PRKAR1B: variants seen among roughly 807,000 people sequenced by gnomAD.
PRKAR1B encodes protein kinase cAMP-dependent type I regulatory subunit beta, also known as cAMP-dependent protein kinase type I-beta regulatory subunit.
A neutral mutation model predicts 46.5 loss-of-function variants in PRKAR1B; 22 were observed. The observed-to-expected ratio is 0.47, with a 90% CI of 0.34 to 0.68. The LOEUF is 0.68. Ranked by LOEUF, PRKAR1B falls within the 30% of genes least tolerant of loss-of-function variation. PRKAR1B has a pLI of 0.01. For synonymous variants in PRKAR1B, 259 were observed against 217.7 expected (o/e 1.19, Z -1.67); for missense variants, 445 against 535.6 (o/e 0.83, Z 1.67).
chr7:687,264 C>T lies in PRKAR1B; in HGVS notation c.178-6538G>A, dbSNP rs1169878649. Among the ~76,000 whole-genome samples the T allele has an allele frequency of 1.3e-5, 2 of 152,186 alleles. 1 individual carries two copies. Among genetic ancestry groups the T allele is most frequent in the African/African-American group, 4.8e-5 (2 of 41,434 alleles). ...AAAAGACAATACAAAAAGATCCCCTCAGGGGATGCAGATCATGGAGTTAAT... is the reference window on the plus strand; with the variant it reads ...AAAAGACAATACAAAAAGATCCCCTTAGGGGATGCAGATCATGGAGTTAAT... On this transcript the variant is annotated intron_variant, in intron 2 of 10. Coordinates refer to ENST00000537384, the MANE Select transcript of PRKAR1B (RefSeq NM_001164760.2).
At chr7:655,933 TG>T (rs75628772) in intron 4 of PRKAR1B, among the ~76,000 whole-genome samples, 13,170 of 152,268 alleles carry the variant, frequency 0.086, 744 homozygotes, top group South Asian at 0.24. Context: ...GGCTGCTCTC[TG>T]GGATACAAGG....
intron 2 of PRKAR1B, among the ~76,000 whole-genome samples, chr7:692,616 A>G (rs950143467): frequency 6.6e-6 from 1 of 152,194 alleles, no homozygotes; most frequent in Admixed American, 6.5e-5. Flanking sequence ...CCCTGACGGC[A>G]GTGCAAATTG....
rs1056769533 is a variant in PRKAR1B, at chr7:667,921, G to A, written c.440+9308C>T. ...GAGTTGCAGCCTCCCTCACAACCAC[G>A]TTGCACTATCTTCCTTTAAATCAAA... On this transcript the variant is annotated intron_variant, in intron 4 of 10. Transcript: ENST00000537384. The surrounding 1 kb of genome is among the most constrained non-coding windows in gnomAD (Gnocchi z 4.3). Among the ~76,000 whole-genome samples, 51 of 152,212 alleles carry A rather than the reference G, an allele frequency of 3.4e-4. No homozygotes were observed. The highest frequency in any genetic ancestry group is 1.8e-4 in the Non-Finnish European group (12 of 68,050).
intron 9 of PRKAR1B, among the ~76,000 whole-genome samples, chr7:567,548 C>CACT (rs1303844787): frequency 4.7e-5 from 6 of 127,892 alleles, no homozygotes; most frequent in Admixed American, 1.5e-4. Context: ...TCACCATCAT[C>CACT]ATCACCATCA....
intron 4 of PRKAR1B, among the ~76,000 whole-genome samples, chr7:637,170 C>A (rs745517830): frequency 6.6e-6 from 1 of 152,140 alleles, no homozygotes; most frequent in Non-Finnish European, 1.5e-5. Context: ...ACCTGTAGTC[C>A]CGGCTCCTCG....
At chr7:598,290 T>C (rs1281473572) in intron 6 of PRKAR1B, among the ~76,000 whole-genome samples, 1 of 124,184 alleles carries the variant, frequency 8.1e-6, no homozygotes, top group Non-Finnish European at 1.7e-5. Context: ...ACCATCGCCC[T>C]CCCTCCAGCA....
Position 560,329 on chromosome 7 carries a change from C to T in PRKAR1B, c.892-8859G>A, listed in dbSNP as rs1778705958. On this transcript the variant is annotated intron_variant, in intron 9 of 10. Transcript: ENST00000537384. The surrounding 1 kb of genome is among the most constrained non-coding windows in gnomAD (Gnocchi z 4.2). ...ATAAATTACCCAGTCTCGGGCATTTCTTCATAGCAGTGTTAGAATGAACTA... is the reference window on the plus strand; with the variant it reads ...ATAAATTACCCAGTCTCGGGCATTTTTTCATAGCAGTGTTAGAATGAACTA... Among the ~76,000 whole-genome samples the T allele has an allele frequency of 2.0e-5, 3 of 150,018 alleles. No individual in the cohort carries two copies. The Admixed American group carries it at 2.0e-4, about 10-fold the overall frequency.
intron 9 of PRKAR1B, among the ~76,000 whole-genome samples, chr7:576,647 T>C (rs2128440829): frequency 6.6e-6 from 1 of 151,806 alleles, no homozygotes; most frequent in South Asian, 2.1e-4. Context: ...GCCTTGGTGC[T>C]TCTTCCAGGT....
chr7:555,364 G>A (rs1019430276), intron 9 of PRKAR1B, among the ~76,000 whole-genome samples: 1 of 152,222 alleles, frequency 6.6e-6, no homozygotes, highest in Non-Finnish European at 1.5e-5. Context: ...CACACTGGCC[G>A]TGCTCGGTGG....
chr7:558,465 G>T (rs1433420690), intron 9 of PRKAR1B, among the ~76,000 whole-genome samples: 2 of 152,044 alleles, frequency 1.3e-5, no homozygotes, highest in African/African-American at 4.8e-5. Flanking sequence ...TTGATCAGAA[G>T]GAAAACCAGG....
intron 4 of PRKAR1B, among the ~76,000 whole-genome samples, chr7:631,534 C>T (rs963648548): frequency 5.9e-5 from 9 of 152,218 alleles, no homozygotes; most frequent in African/African-American, 2.2e-4. Context: ...GCACACACAG[C>T]CCGAGGGGGA....
At chr7:551,083 C>A (rs954046157) in intron 10 of PRKAR1B, among the ~76,000 whole-genome samples, 3 of 152,096 alleles carry the variant, frequency 2.0e-5, no homozygotes, top group Admixed American at 2.0e-4. Context: ...TGCAGGAATG[C>A]TGGTGGCTGA....
At chr7:656,388 A>G (rs1171870654) in intron 4 of PRKAR1B, among the ~76,000 whole-genome samples, 2 of 152,138 alleles carry the variant, frequency 1.3e-5, no homozygotes, top group African/African-American at 4.8e-5. Flanking sequence ...TGACTAGATG[A>G]ATAGATGAAG....
intron 2 of PRKAR1B, among the ~76,000 whole-genome samples, chr7:693,641 C>A (rs1467937282): frequency 6.6e-6 from 1 of 152,160 alleles, no homozygotes; most frequent in Non-Finnish European, 1.5e-5. Flanking sequence ...ACTGTTTGTC[C>A]TCTCGAGCTG....
chr7:638,371 C>T (rs1583339034), intron 4 of PRKAR1B, among the ~76,000 whole-genome samples: 1 of 152,200 alleles, frequency 6.6e-6, no homozygotes, highest in Non-Finnish European at 1.5e-5. Flanking sequence ...GAGAGCTCCC[C>T]CAGCTCCCTT....
At chr7:623,781 T>C (rs911746297) in intron 4 of PRKAR1B, among the ~76,000 whole-genome samples, 7 of 152,242 alleles carry the variant, frequency 4.6e-5, no homozygotes, top group African/African-American at 4.8e-5. Flanking sequence ...TTCCATGCCA[T>C]GCTTTAACAC....
rs1048611427 is a variant in PRKAR1B, at chr7:602,582, G to C, written c.549+3611C>G. 1 of 169,594 alleles carries C rather than the reference G, an allele frequency of 5.9e-6. No individual in the cohort carries two copies. The highest frequency in any genetic ancestry group is 1.5e-5 in the Non-Finnish European group (1 of 68,598). The allele number at this position is 169,594 out of a possible 1,614,324, so 10.5% of individuals were successfully genotyped here. A position where few individuals can be genotyped will look rare whatever the true frequency, so the allele number is the denominator to read the frequency against. ...CCCAGGAAGTCCTCAGCATGCTGCCGGCTGGGGCCTGGCGCTGGGGCAGGA... is the reference window on the plus strand; with the variant it reads ...CCCAGGAAGTCCTCAGCATGCTGCCCGCTGGGGCCTGGCGCTGGGGCAGGA... On this transcript the variant is annotated intron_variant, in intron 6 of 10. Transcript: ENST00000537384. This position sits in a 1 kb window ranked among gnomAD's most constrained non-coding sequence, Gnocchi z 6.4.
chr7:594,018 A>C (rs1333492462), intron 7 of PRKAR1B, among the ~76,000 whole-genome samples: 1 of 152,026 alleles, frequency 6.6e-6, no homozygotes, highest in African/African-American at 2.4e-5. Context: ...ATGGCCATCA[A>C]ATCCTTGTTC....
chr7:554,837 G>A (rs1220202690), intron 9 of PRKAR1B, among the ~76,000 whole-genome samples: 1 of 151,958 alleles, frequency 6.6e-6, no homozygotes, highest in Non-Finnish European at 1.5e-5. Context: ...CGGAAGACAG[G>A]GGAGGCCACG....
Sources: allele counts gnomAD v4.1 joint callset (sites outside exome capture counted in the v4.1 genomes callset), GRCh38; gene constraint gnomAD v4.1.1; non-coding constraint Gnocchi (gnomAD v3.1); transcripts MANE v1.5; gene names NCBI Gene and HGNC (gene_info 2026-07-23, HGNC 2026-07-21).